The following SMAP1 variants were observed in gnomAD, a reference collection of about 807,000 sequenced individuals.
SMAP1 encodes stromal membrane-associated protein 1.
Under a neutral mutation model 58.5 loss-of-function variants are expected in SMAP1, and 24 were observed. That is an observed-to-expected ratio of 0.41 (90% CI 0.30 to 0.58). The LOEUF is 0.58. Among genes scored for constraint, SMAP1 ranks in the 20% least tolerant of loss-of-function variants. SMAP1 has a pLI of 0.29. For missense variants in SMAP1, 563 were observed against 566.3 expected (o/e 0.99, Z 0.06); for synonymous variants, 216 against 196.6 (o/e 1.10, Z -0.82).
chr6:70,803,193 C>A (rs765769163), intron 6 of SMAP1, among the ~76,000 whole-genome samples: 5 of 152,132 alleles, frequency 3.3e-5, no homozygotes, highest in Non-Finnish European at 7.3e-5. Context: ...TGTTATTGGT[C>A]TATTCAGAGA....
At chr6:70,778,993 A>G (rs1455616397) in intron 4 of SMAP1, among the ~76,000 whole-genome samples, 1 of 152,216 alleles carries the variant, frequency 6.6e-6, no homozygotes, top group Non-Finnish European at 1.5e-5. Flanking sequence ...CCTGGGCAGC[A>G]TGTGCAGGCA....
chr6:70,791,568 C>A (rs1201653908), intron 4 of SMAP1, 121 bp from the exon 5 acceptor site: 2 of 662,476 alleles, frequency 3.0e-6, no homozygotes, highest in East Asian at 5.4e-5. Flanking sequence ...ACTTTATTAA[C>A]ATGCCTCTAA....
chr6:70,808,047 A>G (rs980968488), intron 6 of SMAP1, among the ~76,000 whole-genome samples: 2 of 152,124 alleles, frequency 1.3e-5, no homozygotes, highest in Admixed American at 6.5e-5. Flanking sequence ...TATATTTACT[A>G]TTCATTAAGT....
intron 3 of SMAP1, among the ~76,000 whole-genome samples, chr6:70,770,366 C>G (rs1046546724): frequency 6.6e-6 from 1 of 152,172 alleles, no homozygotes; most frequent in Non-Finnish European, 1.5e-5. Flanking sequence ...TTCCATTCTC[C>G]CCGTCACTTT....
At position 70,860,325 on chromosome 6, in the gene SMAP1, G is replaced by C. The variant is rs1232385652; in HGVS notation, c.1395G>C (p.Leu465=). The C allele has an allele frequency of 4.4e-6, 7 of 1,606,212 alleles. No homozygotes were observed. Among genetic ancestry groups the C allele is most frequent in the Middle Eastern group, 1.7e-4 (1 of 6,028 alleles). ...SSSGQTLSTQ[L]WK is the part of the protein sequence containing the mutation. ...CAGGTCAGACTCTCAGCACACAACT[G>C]TGGAAATGAAAACTGCAATACAAGT... Residue 465 remains leucine, a synonymous_variant, in exon 11 of 11, where the codon CTG becomes CTC. Coordinates refer to ENST00000370455, the MANE Select transcript of SMAP1 (RefSeq NM_001044305.3).
intron 6 of SMAP1, among the ~76,000 whole-genome samples, chr6:70,810,898 A>G (rs1296045916): frequency 3.3e-5 from 5 of 152,078 alleles, no homozygotes; most frequent in African/African-American, 7.2e-5. Flanking sequence ...ATTCCATCAA[A>G]TGGATGTAGC....
chr6:70,829,957 A>G (rs964971895), intron 6 of SMAP1, among the ~76,000 whole-genome samples: 1 of 152,156 alleles, frequency 6.6e-6, no homozygotes, highest in Non-Finnish European at 1.5e-5. Context: ...TTTTTATTCA[A>G]TTATATTCTG....
At chr6:70,777,132 G>C (rs1441369833) in intron 4 of SMAP1, among the ~76,000 whole-genome samples, 4 of 152,050 alleles carry the variant, frequency 2.6e-5, no homozygotes, top group Non-Finnish European at 5.9e-5. Context: ...TGTTTTCTCT[G>C]TATCCTCTCT....
At chr6:70,731,771 A>G (rs914562255) in intron 1 of SMAP1, among the ~76,000 whole-genome samples, 8 of 152,162 alleles carry the variant, frequency 5.3e-5, no homozygotes, top group Non-Finnish European at 1.2e-4. Flanking sequence ...CTTCTTGCCA[A>G]CAATTAGTAG....
Position 70,857,746 on chromosome 6 carries a change from G to C in SMAP1, c.962-176G>C, listed in dbSNP as rs186099548. 5 of 616,972 alleles carry C rather than the reference G, an allele frequency of 8.1e-6. No homozygotes were observed. The East Asian group carries it at 1.4e-4, about 17-fold the overall frequency. The allele number at this position is 616,972 out of a possible 1,614,324, so 38.2% of individuals were successfully genotyped here. A position where few individuals can be genotyped will look rare whatever the true frequency, so the allele number is the denominator to read the frequency against. On this transcript the variant is annotated intron_variant, in intron 9 of 10. Coordinates refer to ENST00000370455, the MANE Select transcript of SMAP1 (RefSeq NM_001044305.3). ...TAATAACTGATTTGTCTGCATCCTAGAAACAACCAGCTCTCAGGGTTTAGG... is the reference window on the plus strand; with the variant it reads ...TAATAACTGATTTGTCTGCATCCTACAAACAACCAGCTCTCAGGGTTTAGG...
At chr6:70,672,288 T>C (rs1213776701) in intron 1 of SMAP1, among the ~76,000 whole-genome samples, 1 of 152,218 alleles carries the variant, frequency 6.6e-6, no homozygotes, top group Admixed American at 6.5e-5. Context: ...CTTTTGCCCA[T>C]TGGTGGTCTT....
At chr6:70,843,711 A>G (rs1770884592) in intron 7 of SMAP1, among the ~76,000 whole-genome samples, 1 of 152,206 alleles carries the variant, frequency 6.6e-6, no homozygotes, top group African/African-American at 2.4e-5. Context: ...GGGGTGGGAC[A>G]CTTGGTTTAG....
chr6:70,791,406 A>T (rs761980307), intron 4 of SMAP1, among the ~76,000 whole-genome samples: 6 of 152,182 alleles, frequency 3.9e-5, no homozygotes, highest in Non-Finnish European at 8.8e-5. Flanking sequence ...TATTTTCCAT[A>T]TACTTTTGGT....
chr6:70,852,718 A>G, intron 8 of SMAP1, 54 bp downstream of exon 8: 1 of 1,442,040 alleles, frequency 6.9e-7, no homozygotes, highest in South Asian at 1.6e-5. Context: ...CTTTTTGAAA[A>G]GTTTCAAAAT....
chr6:70,821,909 T>G (rs1319873559), intron 6 of SMAP1, among the ~76,000 whole-genome samples: 1 of 152,170 alleles, frequency 6.6e-6, no homozygotes, highest in Admixed American at 6.5e-5. Flanking sequence ...TGAAAACATT[T>G]TTTTCTTCAT....
At chr6:70,671,215 A>G (rs1766250715) in intron 1 of SMAP1, among the ~76,000 whole-genome samples, 1 of 151,256 alleles carries the variant, frequency 6.6e-6, no homozygotes, top group African/African-American at 2.4e-5. Context: ...ATTCTTTCAC[A>G]TGCTCTGAAT....
At chr6:70,679,527 T>G (rs1766616022) in intron 1 of SMAP1, among the ~76,000 whole-genome samples, 1 of 152,218 alleles carries the variant, frequency 6.6e-6, no homozygotes, top group Non-Finnish European at 1.5e-5. Flanking sequence ...ATAATTGAGT[T>G]TATTAAGTTT....
intron 6 of SMAP1, among the ~76,000 whole-genome samples, chr6:70,828,615 A>G (rs957919685): frequency 1.3e-5 from 2 of 152,230 alleles, no homozygotes; most frequent in Non-Finnish European, 2.9e-5. Flanking sequence ...AAAAACAGTG[A>G]CATATATGAA....
At chr6:70,794,881 C>T (rs574331600) in intron 5 of SMAP1, among the ~76,000 whole-genome samples, 11 of 151,440 alleles carry the variant, frequency 7.3e-5, no homozygotes, top group African/African-American at 1.2e-4. Context: ...CTCTGCCTCC[C>T]GGGTTCACGC....
Sources: allele counts gnomAD v4.1 joint callset (sites outside exome capture counted in the v4.1 genomes callset), GRCh38; gene constraint gnomAD v4.1.1; transcripts MANE v1.5; gene names NCBI Gene and HGNC (gene_info 2026-07-23, HGNC 2026-07-21).